The following ZNF653 variants were observed in gnomAD, a reference collection of about 807,000 sequenced individuals.
The protein encoded by ZNF653 is zinc finger protein 653.
In ZNF653, 37 loss-of-function variants were observed where a neutral mutation model predicts 59.9. The observed-to-expected ratio is 0.62, with a 90% CI of 0.48 to 0.81. The LOEUF (loss-of-function observed/expected upper bound fraction) is 0.81. ZNF653 is among the 40% of genes least tolerant of loss of function. The pLI, the probability that ZNF653 is intolerant of heterozygous loss-of-function variation, is 0.00. For missense variants in ZNF653, 808 were observed against 881.1 expected (o/e 0.92, Z 1.05); for synonymous variants, 435 against 371.8 (o/e 1.17, Z -1.96).
At chr19:11,498,049 G>A (rs1208619152) in intron 2 of ZNF653, among the ~76,000 whole-genome samples, 1 of 152,200 alleles carries the variant, frequency 6.6e-6, no homozygotes. Flanking sequence ...CTGCCCTTAG[G>A]GCTCTGCAAA....
chr19:11,498,366 G>T, intron 1 of ZNF653, 27 bp from the exon 2 acceptor site: 1 of 1,613,988 alleles, frequency 6.2e-7, no homozygotes, highest in Non-Finnish European at 8.5e-7. Context: ...CAGAGAGGGT[G>T]AACGGGGGAC....
intron 3 of ZNF653, among the ~76,000 whole-genome samples, chr19:11,494,666 C>T (rs542779476): frequency 5.9e-5 from 9 of 152,094 alleles, no homozygotes; most frequent in South Asian, 2.1e-4. Flanking sequence ...CCAGCCTGGG[C>T]GACAAGAGCG....
In ZNF653 at chr19:11,497,276, C is replaced by T. The variant is rs185132009; in HGVS notation, c.343+1020G>A. ...GCAGGAACACTGCTGTTTTGCTCCT[C>T]CTGTACCCCCAGTGCCCCCAAAGGG... On this transcript the variant is annotated intron_variant, in intron 2 of 8. Transcript: ENST00000293771. Among the ~76,000 whole-genome samples, 231 of 152,370 alleles carry T rather than the reference C, an allele frequency of 1.5e-3. 1 individual carries two copies. Among genetic ancestry groups the T allele is most frequent in the Middle Eastern group, 3.4e-3 (1 of 294 alleles).
In ZNF653 at chr19:11,505,220, C is replaced by A. The variant is rs1245404564; in HGVS notation, c.299+268G>T. On this transcript the variant is annotated intron_variant, in intron 1 of 8. Coordinates refer to ENST00000293771, the MANE Select transcript of ZNF653 (RefSeq NM_138783.4). ...GGGGCCAGTCCCAGGATTGGGCCGC[C>A]AGAGTTCTAGCGGGCGGGGCCAAGC... 9.7e-6 allele frequency: 4 copies of A among 414,410 alleles called. No homozygotes were observed. In the East Asian group the frequency reaches 1.3e-4, roughly 13 times the overall value. The allele number at this position is 414,410 out of a possible 1,614,324, so 25.7% of individuals were successfully genotyped here. A position where few individuals can be genotyped will look rare whatever the true frequency, so the allele number is the denominator to read the frequency against.
intron 3 of ZNF653, among the ~76,000 whole-genome samples, chr19:11,490,527 C>T (rs941707073): frequency 6.6e-6 from 1 of 151,980 alleles, no homozygotes; most frequent in East Asian, 1.9e-4. Flanking sequence ...GCTGGGACTA[C>T]AGGCACACGC....
chr19:11,487,981 T>G lies in ZNF653; in HGVS notation c.560-78A>C. 1 of 1,133,252 alleles carries G rather than the reference T, an allele frequency of 8.8e-7. No individual in the cohort carries two copies. The highest frequency in any genetic ancestry group is 1.1e-6 in the Non-Finnish European group (1 of 901,594). 70.2% of individuals were successfully genotyped at this position (1,133,252 alleles called of 1,614,324 possible). A position where few individuals can be genotyped will look rare whatever the true frequency, so the allele number is the denominator to read the frequency against. ...TGTTTATTTAGTTTTTATTTTATTT[T>G]ATTTATTTATTTATTTATTTTTTTG... On this transcript the variant is annotated intron_variant, in intron 3 of 8. Coordinates refer to ENST00000293771, the MANE Select transcript of ZNF653 (RefSeq NM_138783.4). This position sits in a 1 kb window ranked among gnomAD's most constrained non-coding sequence, Gnocchi z 5.1.
At chr19:11,483,918 C>T (rs984516853) in intron 8 of ZNF653, 59 bp from the exon 9 acceptor site, 2 of 1,513,878 alleles carry the variant, frequency 1.3e-6, no homozygotes, top group African/African-American at 2.8e-5. Flanking sequence ...GGGGCGGGGC[C>T]CTACAAGGCC....
chr19:11,488,311 G>C (rs1004929091), intron 3 of ZNF653, among the ~76,000 whole-genome samples: 69 of 151,248 alleles, frequency 4.6e-4, no homozygotes, highest in African/African-American at 1.6e-3. Flanking sequence ...CGCCATGCCC[G>C]GCTAATGTTT....
rs755420921 is a variant in ZNF653 at position 11,483,602 on chromosome 19, C to G, written c.*80G>C. On this transcript the variant is annotated 3_prime_UTR_variant, in exon 9 of 9. Coordinates refer to ENST00000293771, the MANE Select transcript of ZNF653 (RefSeq NM_138783.4). ...TCCGGCCCGCGGTCCGGGCGGCCCT[C>G]GCAGCTGTCCAGGCCCCGGCAAGCC... 1 of 1,522,866 alleles carries G rather than the reference C, an allele frequency of 6.6e-7. No homozygotes were observed. Among genetic ancestry groups the G allele is most frequent in the South Asian group, 1.3e-5 (1 of 79,694 alleles). The allele number at this position is 1,522,866 out of a possible 1,614,324, so 94.3% of individuals were successfully genotyped here.
chr19:11,501,849 C>T (rs1377400931), intron 1 of ZNF653, among the ~76,000 whole-genome samples: 2 of 152,114 alleles, frequency 1.3e-5, no homozygotes, highest in African/African-American at 2.4e-5. Flanking sequence ...GGCTGGAGTG[C>T]GGTGGCACGA....
rs142746343 is a variant in ZNF653 at position 11,487,629 on chromosome 19, G to A, written c.834C>T (p.Cys278=). 392 of 1,613,850 alleles carry A rather than the reference G, an allele frequency of 2.4e-4. No homozygotes were observed. Among genetic ancestry groups the A allele is most frequent in the Non-Finnish European group, 3.1e-4 (368 of 1,179,966 alleles). ...NGPEALETVV[C]VPVPVQVGAG... The stretch of plus-strand genomic sequence containing the variant: ...CACCCACTTGCACAGGCACCGGCAC[G>A]CACACCACTGTCTCCAGGGCTTCAG... The change falls in exon 4 of 9, where the codon TGC becomes TGT. Residue 278 remains cysteine, a synonymous_variant. Transcript: ENST00000293771. This position sits in a 1 kb window ranked among gnomAD's most constrained non-coding sequence, Gnocchi z 5.1.
intron 1 of ZNF653, 96 bp downstream of exon 1, chr19:11,505,392 C>T: frequency 7.9e-7 from 1 of 1,273,602 alleles, no homozygotes; most frequent in Non-Finnish European, 1.0e-6. Context: ...TCCGCAGGTG[C>T]CGGGGGCTGG....
Position 11,483,722 on chromosome 19 carries a change from A to C in ZNF653, c.1808T>G (p.Phe603Cys). The change falls in exon 9 of 9, where the codon TTC becomes TGC. Residue 603 changes from phenylalanine to cysteine, a missense_variant. By Grantham distance (205) the Phe-to-Cys change is radical (BLOSUM62 -2). Coordinates refer to ENST00000293771, the MANE Select transcript of ZNF653 (RefSeq NM_138783.4). ...ATCCGGGTGGCTTTTGAGCGTGTGG[A>C]ACTTGACGCTGTCCAGCTTCTCGAA... ...KRFEKLDSVK[F>C]HTLKSHPDHK... The C allele has an allele frequency of 6.2e-7, 1 of 1,613,644 alleles. No individual in the cohort carries two copies.
At chr19:11,485,451 C>G (rs1971455786) in intron 7 of ZNF653, among the ~76,000 whole-genome samples, 1 of 152,162 alleles carries the variant, frequency 6.6e-6, no homozygotes, top group South Asian at 2.1e-4. Flanking sequence ...CAGCCCCACC[C>G]AATTCCTGTG....
rs1421257738 is a variant in ZNF653 at position 11,486,759 on chromosome 19, G to A, written c.1455+10C>T. Reference sequence around the variant, plus strand: ...GGCCTGGCCCAGGCTGCTCCGGGTGGCGGCCTCACCTGGAAGCTGCTGAGG... The same window carrying A: ...GGCCTGGCCCAGGCTGCTCCGGGTGACGGCCTCACCTGGAAGCTGCTGAGG... On this transcript the variant is annotated intron_variant, in intron 6 of 8. Coordinates refer to ENST00000293771, the MANE Select transcript of ZNF653 (RefSeq NM_138783.4). 6.3e-7 allele frequency: 1 copy of A among 1,592,794 alleles called. No homozygotes were observed. Among genetic ancestry groups the A allele is most frequent in the Non-Finnish European group, 8.6e-7 (1 of 1,169,538 alleles).
chr19:11,492,096 G>C (rs1226954206), intron 3 of ZNF653, among the ~76,000 whole-genome samples: 1 of 151,894 alleles, frequency 6.6e-6, no homozygotes, highest in Non-Finnish European at 1.5e-5. Context: ...ACCCAGGCTG[G>C]AGTGCAATGG....
chr19:11,499,606 AC>A (rs1385613910), intron 1 of ZNF653, among the ~76,000 whole-genome samples: 1 of 147,868 alleles, frequency 6.8e-6, no homozygotes. Flanking sequence ...CTCTATTTAT[AC>A]AATTAAAAAA....
chr19:11,483,575 C>T lies in ZNF653; in HGVS notation c.*107G>A, dbSNP rs752377968. ...CTCTGGGGCGGGGCGGGGGCGCCTC[C>T]TTCCGGCCCGCGGTCCGGGCGGCCC... On this transcript the variant is annotated 3_prime_UTR_variant, in exon 9 of 9. Coordinates refer to ENST00000293771, the MANE Select transcript of ZNF653 (RefSeq NM_138783.4). 30 of 1,440,928 alleles carry T rather than the reference C, an allele frequency of 2.1e-5. No homozygotes were observed. Among genetic ancestry groups the T allele is most frequent in the Non-Finnish European group, 2.6e-5 (28 of 1,091,004 alleles). The allele number at this position is 1,440,928 out of a possible 1,614,324, so 89.3% of individuals were successfully genotyped here.
In ZNF653 at chr19:11,483,853, C is replaced by G; in HGVS notation, c.1677G>C (p.Glu559Asp). The G allele has an allele frequency of 6.3e-7, 1 of 1,591,532 alleles. No homozygotes were observed. The highest frequency in any genetic ancestry group is 8.5e-7 in the Non-Finnish European group (1 of 1,171,314). Residue 559 changes from glutamate (E) to aspartate (D), a missense_variant, in exon 9 of 9, where the codon GAG (glutamate) becomes GAC (aspartate). Physicochemically the swap from Glu to Asp is conservative, Grantham distance 45. Coordinates refer to ENST00000293771, the MANE Select transcript of ZNF653 (RefSeq NM_138783.4). ...GCTGCCGGCACTGGTAGCCACAGAT[C>G]TCGCACCTGCCGGGAGCCCGTGGCG... The part of the protein sequence containing the change: ...THTGETPLQC[E>D]ICGYQCRQRA...
Sources: gnomAD v4.1 joint callset for allele counts (sites outside exome capture counted in the v4.1 genomes callset) on GRCh38, gnomAD v4.1.1 for gene constraint, Gnocchi (gnomAD v3.1) non-coding constraint, MANE v1.5 for transcripts, NCBI Gene and HGNC (gene_info 2026-07-23, HGNC 2026-07-21) for gene names.